The following TMEFF2 variants were observed in gnomAD, a reference collection of about 807,000 sequenced individuals.
TMEFF2 encodes transmembrane protein with EGF like and two follistatin like domains 2, also known as tomoregulin-2.
In TMEFF2, 28 loss-of-function variants were observed where a neutral mutation model predicts 53.8. That is an observed-to-expected ratio of 0.52 (90% CI 0.39 to 0.71). The LOEUF is 0.71. TMEFF2 is among the 30% of genes least tolerant of loss of function. The pLI, the probability that TMEFF2 is intolerant of heterozygous loss-of-function variation, is 0.00. For synonymous variants in TMEFF2, 162 were observed against 166.3 expected, an observed-to-expected ratio of 0.97 and a Z score of 0.20; for missense variants, 353 against 455.2, an observed-to-expected ratio of 0.78 and a Z score of 2.04.
chr2:192,105,747 A>G (rs1345207807), intron 4 of TMEFF2, among the ~76,000 whole-genome samples: 1 of 151,986 alleles, frequency 6.6e-6, no homozygotes, highest in African/African-American at 2.4e-5. Flanking sequence ...AATGGAAGGT[A>G]AAAAAGGATC....
chr2:192,071,335 G>A (rs1157295752), intron 4 of TMEFF2, among the ~76,000 whole-genome samples: 2 of 151,788 alleles, frequency 1.3e-5, no homozygotes, highest in Non-Finnish European at 2.9e-5. Flanking sequence ...ACTAAATTTT[G>A]GGGGATGTTC....
chr2:191,952,707 AAAG>A (rs1691924026), intron 9 of TMEFF2, among the ~76,000 whole-genome samples: 2 of 152,330 alleles, frequency 1.3e-5, no homozygotes, highest in African/African-American at 4.8e-5. Context: ...ACTTGTCCTC[AAAG>A]AAGATTGTGC....
At chr2:192,189,230 T>G (rs1429621487) in intron 2 of TMEFF2, among the ~76,000 whole-genome samples, 2 of 152,040 alleles carry the variant, frequency 1.3e-5, no homozygotes, top group African/African-American at 4.8e-5. Context: ...TCTTTGAAAT[T>G]TATCTCTCAG....
intron 4 of TMEFF2, among the ~76,000 whole-genome samples, chr2:192,144,408 A>G (rs1464174108): frequency 6.6e-6 from 1 of 152,074 alleles, no homozygotes; most frequent in Non-Finnish European, 1.5e-5. Flanking sequence ...ATCCAGACTC[A>G]TACTCATCCC....
At chr2:192,074,647 G>C (rs1321670573) in intron 4 of TMEFF2, among the ~76,000 whole-genome samples, 1 of 151,832 alleles carries the variant, frequency 6.6e-6, no homozygotes, top group East Asian at 1.9e-4. Context: ...TAAAAATCCA[G>C]CTTCTCAGTT....
chr2:192,028,810 CTTA>C (rs772364769), intron 5 of TMEFF2: 1 of 152,018 alleles, frequency 6.6e-6, no homozygotes, highest in African/African-American at 2.4e-5. Context: ...ATTAGATGCT[CTTA>C]TATTTGCATC....
chr2:191,974,158 A>G (rs72914363), intron 7 of TMEFF2, among the ~76,000 whole-genome samples: 7 of 152,312 alleles, frequency 4.6e-5, no homozygotes, highest in Non-Finnish European at 8.8e-5. Context: ...ATTGTCTTAG[A>G]GTTTTACATG....
At chr2:192,159,871 A>G (rs1003856725) in intron 4 of TMEFF2, among the ~76,000 whole-genome samples, 2 of 152,138 alleles carry the variant, frequency 1.3e-5, no homozygotes, top group East Asian at 3.9e-4. Context: ...TTGCCAAACC[A>G]GTTCTTTGGA....
At chr2:192,130,110 G>A (rs1385205798) in intron 4 of TMEFF2, among the ~76,000 whole-genome samples, 2 of 152,176 alleles carry the variant, frequency 1.3e-5, no homozygotes, top group South Asian at 2.1e-4. Flanking sequence ...GTGAGCGTAC[G>A]TATTAACAAT....
intron 5 of TMEFF2, among the ~76,000 whole-genome samples, chr2:192,053,900 A>G (rs939844540): frequency 1.3e-5 from 2 of 152,210 alleles, no homozygotes; most frequent in Non-Finnish European, 2.9e-5. Flanking sequence ...TAAATACAAT[A>G]TGTTAACATA....
chr2:191,982,068 AC>A (rs1465850521), intron 7 of TMEFF2, among the ~76,000 whole-genome samples: 1 of 152,114 alleles, frequency 6.6e-6, no homozygotes, highest in Non-Finnish European at 1.5e-5. Flanking sequence ...TGGGCCAGCA[AC>A]GTTGACTACA....
chr2:192,076,949 G>T (rs955184812), intron 4 of TMEFF2, among the ~76,000 whole-genome samples: 1 of 152,152 alleles, frequency 6.6e-6, no homozygotes, highest in African/African-American at 2.4e-5. Context: ...CTCCAAATGG[G>T]ACAATCCGAG....
intron 5 of TMEFF2, chr2:192,032,656 G>C (rs866042504): frequency 6.6e-6 from 1 of 152,136 alleles, no homozygotes; most frequent in Admixed American, 6.5e-5. Flanking sequence ...TATTTGAGAG[G>C]CAATTTAATG....
intron 4 of TMEFF2, among the ~76,000 whole-genome samples, chr2:192,110,869 C>T (rs1392163724): frequency 6.6e-6 from 1 of 152,098 alleles, no homozygotes; most frequent in Non-Finnish European, 1.5e-5. Context: ...CAGTTTCCCC[C>T]ATATACTGTT....
Position 192,069,510 on chromosome 2 carries a change from G to GA in TMEFF2, c.440-11736dup, listed in dbSNP as rs1228342122. Among the ~76,000 whole-genome samples, 15 of 150,540 alleles carry GA rather than the reference G, an allele frequency of 1.0e-4. No homozygotes were observed. In the Middle Eastern group the frequency reaches 0.01, roughly 104 times the overall value. On this transcript the variant is annotated intron_variant, in intron 4 of 9. Coordinates refer to ENST00000272771, the MANE Select transcript of TMEFF2 (RefSeq NM_016192.4). ...AAGACATGCCCATCTTACACAAAAT[G>GA]AAAAAAAAGAAAACAAACCAAAAAA...
chr2:192,089,367 A>T (rs1688737536), intron 4 of TMEFF2, among the ~76,000 whole-genome samples: 1 of 150,158 alleles, frequency 6.7e-6, no homozygotes, highest in Non-Finnish European at 1.5e-5. Flanking sequence ...AAAGGTTTGG[A>T]TGACTGAATA....
At chr2:191,988,377 C>A (rs552216552) in intron 7 of TMEFF2, among the ~76,000 whole-genome samples, 1 of 152,102 alleles carries the variant, frequency 6.6e-6, no homozygotes, top group African/African-American at 2.4e-5. Context: ...GAGATTATTT[C>A]AAACAACAGG....
rs925271191 is a variant in TMEFF2 at position 192,115,287 on chromosome 2, A to G, written c.440-57512T>C. ...AAAGCCAAGAAATAAACCTATGTATATAAGACAAACTAATCTTCAGCAAAA... is the reference window on the plus strand; with the variant it reads ...AAAGCCAAGAAATAAACCTATGTATGTAAGACAAACTAATCTTCAGCAAAA... On this transcript the variant is annotated intron_variant, in intron 4 of 9. Transcript: ENST00000272771. Among the ~76,000 whole-genome samples the G allele has an allele frequency of 3.9e-5, 6 of 151,932 alleles. No homozygotes were observed. In the East Asian group the frequency reaches 5.8e-4, roughly 15 times the overall value.
chr2:192,190,476 A>C (rs1182103694), intron 2 of TMEFF2, among the ~76,000 whole-genome samples: 1 of 152,080 alleles, frequency 6.6e-6, no homozygotes, highest in Non-Finnish European at 1.5e-5. Context: ...CTCATACTCT[A>C]TCTCTCTCAT....
Sources: allele counts gnomAD v4.1 joint callset (sites outside exome capture counted in the v4.1 genomes callset), GRCh38; gene constraint gnomAD v4.1.1; transcripts MANE v1.5; gene names NCBI Gene and HGNC (gene_info 2026-07-23, HGNC 2026-07-21).